Variants in IQANK1 observed in about 807,000 individuals in gnomAD.
IQANK1 encodes IQ motif and ankyrin repeat containing 1, also known as IQ motif and ankyrin repeat domain-containing protein 1.
IQANK1 carries 30 observed loss-of-function variants against 22.6 expected under a neutral mutation model. The observed-to-expected ratio is 1.33, with a 90% CI of 0.99 to 1.80. The LOEUF (loss-of-function observed/expected upper bound fraction) is 1.80, where lower values mean the gene tolerates loss of function less well. Ranked by LOEUF, IQANK1 falls within the 40% of genes most tolerant of loss-of-function variation. The pLI is 0.00. For missense variants in IQANK1, 275 were observed against 235.2 expected (o/e 1.17, Z -1.11); for synonymous variants, 122 against 99.6 (o/e 1.23, Z -1.34).
chr8:143,768,588 C>T (rs1819520430), intron 3 of IQANK1, among the ~76,000 whole-genome samples: 1 of 152,090 alleles, frequency 6.6e-6, no homozygotes, highest in South Asian at 2.1e-4. Flanking sequence ...TCCCTGCCCC[C>T]TCCTACACCC....
At chr8:143,748,743 A>T (rs1819096771) in intron 3 of IQANK1, among the ~76,000 whole-genome samples, 1 of 105,966 alleles carries the variant, frequency 9.4e-6, no homozygotes, top group Non-Finnish European at 1.7e-5. Context: ...TAAATATATA[A>T]ATATATATCA....
At chr8:143,777,263 C>G (rs567231426) in intron 7 of IQANK1, among the ~76,000 whole-genome samples, 1 of 152,048 alleles carries the variant, frequency 6.6e-6, no homozygotes, top group Non-Finnish European at 1.5e-5. Context: ...CACCTGTAAT[C>G]CCAGCACTTT....
At chr8:143,748,850 T>TATATATTTCATATATAAATATATAA (rs1436252461) in intron 3 of IQANK1, among the ~76,000 whole-genome samples, 2 of 112,616 alleles carry the variant, frequency 1.8e-5, no homozygotes, top group South Asian at 2.6e-4. Context: ...AATATATAAA[T>TATATATTTCATATATAAATATATAA]ATATATATCA....
rs1459970119 is a variant in IQANK1 at position 143,790,362 on chromosome 8, G to A, written c.1437G>A (p.Pro479=). The A allele has an allele frequency of 1.7e-5, 19 of 1,121,172 alleles. No homozygotes were observed. In the Admixed American group the frequency reaches 1.7e-4, roughly 10 times the overall value. The allele number at this position is 1,121,172 out of a possible 1,614,324, so 69.5% of individuals were successfully genotyped here. The change falls in exon 14 of 14, where the codon CCG becomes CCA. Residue 479 remains proline, a synonymous_variant. Transcript: ENST00000527139. ...ALLGALRYGK[P]LVFDLREEDL... is the part of the protein sequence containing the mutation. ...CCTCATGGGGCAGGTATGGGAAGCCGCTGGTGTTCGACCTGCGAGAGGAAG... is the reference window on the plus strand; with the variant it reads ...CCTCATGGGGCAGGTATGGGAAGCCACTGGTGTTCGACCTGCGAGAGGAAG...
chr8:143,738,232 C>G (rs1818796549), intron 2 of IQANK1, among the ~76,000 whole-genome samples: 1 of 152,204 alleles, frequency 6.6e-6, no homozygotes, highest in Non-Finnish European at 1.5e-5. Context: ...GTTTCCCAGA[C>G]ATGGCCCTGG....
chr8:143,778,166 G>C (rs896919995), intron 7 of IQANK1, among the ~76,000 whole-genome samples: 28 of 150,066 alleles, frequency 1.9e-4, no homozygotes, highest in Non-Finnish European at 4.0e-4. Context: ...CTGCACTCCA[G>C]CCTGGGTGAC....
chr8:143,759,145 A>C (rs1177083875), intron 3 of IQANK1: 1 of 293,468 alleles, frequency 3.4e-6, no homozygotes, highest in Non-Finnish European at 6.6e-6. Flanking sequence ...GCTCCAGGAG[A>C]AGCTCCTGGC....
At chr8:143,753,472 T>G (rs1234899404) in intron 3 of IQANK1, among the ~76,000 whole-genome samples, 1 of 151,218 alleles carries the variant, frequency 6.6e-6, no homozygotes, top group East Asian at 1.9e-4. Flanking sequence ...TTTTTTTTTT[T>G]TTTGAGACGG....
chr8:143,790,392 G>A lies in IQANK1; in HGVS notation c.1467G>A (p.Leu489=). The change falls in exon 14 of 14, where the codon CTG becomes CTA. Residue 489 remains leucine (L), a synonymous_variant. Coordinates refer to ENST00000527139, the MANE Select transcript of IQANK1 (RefSeq NM_001381874.1). ...TGTTCGACCTGCGAGAGGAAGACCT[G>A]TTCCCAGTCGTGCAGCGGCAGCTGG... The part of the protein sequence containing the change: ...PLVFDLREED[L]FPVVQRQLEA... 1 of 901,954 alleles carries A rather than the reference G, an allele frequency of 1.1e-6. No homozygotes were observed. Among genetic ancestry groups the A allele is most frequent in the Non-Finnish European group, 1.5e-6 (1 of 687,524 alleles). 55.9% of individuals were successfully genotyped at this position (901,954 alleles called of 1,614,324 possible). A position where few individuals can be genotyped will look rare whatever the true frequency, so the allele number is the denominator to read the frequency against.
intron 3 of IQANK1, among the ~76,000 whole-genome samples, chr8:143,754,816 C>T (rs1303035870): frequency 3.3e-5 from 5 of 151,980 alleles, no homozygotes; most frequent in African/African-American, 4.8e-5. Flanking sequence ...TTAGTAGAGA[C>T]GGGGTTTCAC....
intron 3 of IQANK1, among the ~76,000 whole-genome samples, chr8:143,747,622 T>C (rs1819056144): frequency 6.9e-6 from 1 of 144,514 alleles, no homozygotes; most frequent in Non-Finnish European, 1.5e-5. Context: ...TTTTGATCCA[T>C]TGACTGTTGA....
At chr8:143,740,161 G>A (rs1178449273) in intron 3 of IQANK1, among the ~76,000 whole-genome samples, 4 of 151,982 alleles carry the variant, frequency 2.6e-5, no homozygotes, top group African/African-American at 7.2e-5. Flanking sequence ...GCCGCGCCCC[G>A]CTCTCGCCCA....
Position 143,790,641 on chromosome 8 carries a change from C to G in IQANK1, c.*33C>G. 1 of 398,538 alleles carries G rather than the reference C, an allele frequency of 2.5e-6. No homozygotes were observed. The highest frequency in any genetic ancestry group is 3.6e-5 in the East Asian group (1 of 28,074). The allele number at this position is 398,538 out of a possible 1,614,324, so 24.7% of individuals were successfully genotyped here. A position where few individuals can be genotyped will look rare whatever the true frequency, so the allele number is the denominator to read the frequency against. ...CCCAGTCCCAATAAAACGTGTGCCC[C>G]GGGGCGCGGTGCTGCATCTGTGCTG... On this transcript the variant is annotated 3_prime_UTR_variant, in exon 14 of 14. Coordinates refer to ENST00000527139, the MANE Select transcript of IQANK1 (RefSeq NM_001381874.1).
At chr8:143,741,055 C>T (rs1428659341) in intron 3 of IQANK1, among the ~76,000 whole-genome samples, 15 of 152,192 alleles carry the variant, frequency 9.9e-5, no homozygotes, top group African/African-American at 3.4e-4. Flanking sequence ...AGGCTCTGCC[C>T]GGGACCGTCT....
intron 3 of IQANK1, among the ~76,000 whole-genome samples, chr8:143,757,659 A>AT (rs573862043): frequency 1.7e-4 from 25 of 146,784 alleles, no homozygotes; most frequent in East Asian, 4.0e-4. Flanking sequence ...TCATCTTAAA[A>AT]TTTTTTTTTT....
At chr8:143,784,928 T>C (rs1554631195) in intron 7 of IQANK1, among the ~76,000 whole-genome samples, 1 of 152,208 alleles carries the variant, frequency 6.6e-6, no homozygotes, top group East Asian at 1.9e-4. Flanking sequence ...TTCCATCCTT[T>C]TGTTTTGAGT....
chr8:143,752,996 G>GTTTTTTTTTTTTT (rs34993930), intron 3 of IQANK1, among the ~76,000 whole-genome samples: 1 of 69,904 alleles, frequency 1.4e-5, no homozygotes, highest in African/African-American at 6.2e-5. Flanking sequence ...CTCTCTGTTC[G>GTTTTTTTTTTTTT]TTTTTTTTTT....
chr8:143,743,765 C>T (rs1238487024), intron 3 of IQANK1: 1 of 353,636 alleles, frequency 2.8e-6, no homozygotes, highest in Non-Finnish European at 5.6e-6. Flanking sequence ...ATTATGCTGC[C>T]ATCTACAGAT....
intron 3 of IQANK1, among the ~76,000 whole-genome samples, chr8:143,763,583 G>A (rs748943418): frequency 2.6e-5 from 4 of 152,172 alleles, no homozygotes; most frequent in African/African-American, 7.2e-5. Flanking sequence ...AAGCTCGCAC[G>A]AGAGCTGGTT....
Sources: allele counts gnomAD v4.1 joint callset (sites outside exome capture counted in the v4.1 genomes callset), GRCh38; gene constraint gnomAD v4.1.1; transcripts MANE v1.5; gene names NCBI Gene and HGNC (gene_info 2026-07-23, HGNC 2026-07-21).